The following DCDC2C variants were observed in gnomAD, a reference collection of about 807,000 sequenced individuals.
DCDC2C encodes the protein doublecortin domain-containing protein 2C.
A neutral mutation model predicts 45.0 loss-of-function variants in DCDC2C; 44 were observed. The observed-to-expected ratio is 0.98, with a 90% confidence interval of 0.77 to 1.26. The LOEUF is 1.26. Ranked by LOEUF, DCDC2C falls within the 50% of genes most tolerant of loss-of-function variation. DCDC2C has a pLI of 0.00. For missense variants in DCDC2C, 447 were observed against 468.9 expected, an observed-to-expected ratio of 0.95 and a Z score of 0.43; for synonymous variants, 187 against 178.8, an observed-to-expected ratio of 1.05 and a Z score of -0.37.
intron 2 of DCDC2C, among the ~76,000 whole-genome samples, chr2:3,724,020 T>A (rs191746410): frequency 5.9e-5 from 9 of 152,154 alleles, no homozygotes; most frequent in Admixed American, 3.9e-4. Context: ...ATTTATTGAA[T>A]TGAATATTTA....
At chr2:3,750,130 G>A (rs57244085) in intron 4 of DCDC2C, among the ~76,000 whole-genome samples, 7,349 of 151,786 alleles carry the variant, frequency 0.048, 276 homozygotes, top group African/African-American at 0.1. Context: ...TCCCTCATCT[G>A]CCAGTCAGCA....
At chr2:3,765,104 A>C (rs1669978208) in intron 6 of DCDC2C, among the ~76,000 whole-genome samples, 2 of 152,228 alleles carry the variant, frequency 1.3e-5, no homozygotes, top group African/African-American at 4.8e-5. Context: ...AGTTCAGATA[A>C]AATATGTACT....
Position 3,818,389 on chromosome 2 carries a change from A to G in DCDC2C, c.1066-28765A>G, listed in dbSNP as rs947236380. On this transcript the variant is annotated intron_variant, in intron 10 of 10. Coordinates refer to ENST00000399143, the MANE Select transcript of DCDC2C (RefSeq NM_001287444.2). The surrounding 1 kb of genome is among the most constrained non-coding windows in gnomAD (Gnocchi z 4.7). ...AGAAAGCATATTTGAGATCCTGAAC[A>G]GAATAATGGGTTATGGAGGGGTTGT... 6.6e-6 allele frequency among the ~76,000 whole-genome samples: 1 copy of G among 152,168 alleles called. No homozygotes were observed. The highest frequency in any genetic ancestry group is 2.4e-5 in the African/African-American group (1 of 41,438).
intron 10 of DCDC2C, among the ~76,000 whole-genome samples, chr2:3,827,124 C>T (rs1042446326): frequency 1.3e-4 from 20 of 152,204 alleles, no homozygotes; most frequent in Non-Finnish European, 2.9e-4. Flanking sequence ...AGCCCATCAC[C>T]CATCACAGTG....
chr2:3,838,245 A>C (rs1672128360), intron 10 of DCDC2C, among the ~76,000 whole-genome samples: 2 of 151,912 alleles, frequency 1.3e-5, no homozygotes, highest in South Asian at 4.2e-4. Flanking sequence ...CTGATGAGGT[A>C]GGAGAATTGG....
intron 10 of DCDC2C, among the ~76,000 whole-genome samples, chr2:3,839,628 G>T (rs1174469790): frequency 6.6e-6 from 1 of 152,114 alleles, no homozygotes; most frequent in Admixed American, 6.5e-5. Flanking sequence ...CTTCATTCTT[G>T]TTCGTTTTTC....
At chr2:3,755,498 C>G (rs1233637422) in intron 6 of DCDC2C, among the ~76,000 whole-genome samples, 1 of 146,970 alleles carries the variant, frequency 6.8e-6, no homozygotes, top group African/African-American at 2.4e-5. Context: ...CACAGGAGTA[C>G]ACGTGTGTAT....
At chr2:3,819,886 G>A (rs919195459) in intron 10 of DCDC2C, among the ~76,000 whole-genome samples, 1 of 152,184 alleles carries the variant, frequency 6.6e-6, no homozygotes, top group Non-Finnish European at 1.5e-5. Context: ...TGTGAGAAGG[G>A]GAGGTGATAG....
At chr2:3,817,530 A>G (rs1198424348) in intron 10 of DCDC2C, among the ~76,000 whole-genome samples, 1 of 152,168 alleles carries the variant, frequency 6.6e-6, no homozygotes, top group East Asian at 1.9e-4. Flanking sequence ...AGTTATGAGA[A>G]CTGTGGAGAG....
intron 2 of DCDC2C, among the ~76,000 whole-genome samples, chr2:3,718,485 A>G (rs563268476): frequency 3.9e-5 from 6 of 152,292 alleles, no homozygotes; most frequent in East Asian, 1.9e-4. Flanking sequence ...GGCTGTTTCT[A>G]TCAATGAGAT....
In DCDC2C at chr2:3,778,813, C is replaced by T; in HGVS notation, c.955-3C>T. ...GATAAAATGTGGTGTATTTTCTCCC[C>T]AGAGACAAGCTGAGATAGTTAAAGA... On this transcript the variant is annotated splice_polypyrimidine_tract_variant and splice_region_variant and intron_variant, in intron 8 of 10. Transcript: ENST00000399143. The T allele has an allele frequency of 6.4e-7, 1 of 1,550,852 alleles. No individual in the cohort carries two copies. The highest frequency in any genetic ancestry group is 8.7e-7 in the Non-Finnish European group (1 of 1,147,004).
intron 10 of DCDC2C, among the ~76,000 whole-genome samples, chr2:3,816,834 G>C (rs1671570350): frequency 6.6e-6 from 1 of 152,150 alleles, no homozygotes; most frequent in Non-Finnish European, 1.5e-5. Context: ...AAGGGGGCCT[G>C]AATAATCCCT....
chr2:3,716,407 A>G (rs1001228413), intron 2 of DCDC2C, among the ~76,000 whole-genome samples: 2 of 152,142 alleles, frequency 1.3e-5, no homozygotes, highest in African/African-American at 4.8e-5. Context: ...GACAAGGGAG[A>G]TGAAGACTGA....
intron 10 of DCDC2C, among the ~76,000 whole-genome samples, chr2:3,837,874 C>A (rs1452750649): frequency 1.3e-5 from 2 of 152,072 alleles, no homozygotes; most frequent in African/African-American, 4.8e-5. Flanking sequence ...CAGGAGAGGG[C>A]AGAGGATGCG....
chr2:3,843,638 A>T (rs9808163), intron 10 of DCDC2C, among the ~76,000 whole-genome samples: 25 of 151,994 alleles, frequency 1.6e-4, no homozygotes, highest in Non-Finnish European at 3.4e-4. Context: ...AGTTGGTTCT[A>T]ATGTGTTGGG....
chr2:3,783,517 G>A (rs1670569311), intron 9 of DCDC2C, among the ~76,000 whole-genome samples: 1 of 152,238 alleles, frequency 6.6e-6, no homozygotes, highest in Admixed American at 6.5e-5. Context: ...AATTAGAGCT[G>A]TTTGTGTACG....
At chr2:3,719,724 A>G (rs1668441054) in intron 2 of DCDC2C, among the ~76,000 whole-genome samples, 1 of 152,190 alleles carries the variant, frequency 6.6e-6, no homozygotes, top group Non-Finnish European at 1.5e-5. Context: ...TCAGGTACCA[A>G]ACCAGCCTCC....
chr2:3,793,216 C>T (rs754530783), intron 10 of DCDC2C, among the ~76,000 whole-genome samples: 27 of 152,194 alleles, frequency 1.8e-4, no homozygotes, highest in Non-Finnish European at 2.8e-4. Context: ...TATACCCAAA[C>T]GCAAATTTAC....
chr2:3,826,670 G>A (rs1671824757), intron 10 of DCDC2C, among the ~76,000 whole-genome samples: 1 of 152,038 alleles, frequency 6.6e-6, no homozygotes, highest in African/African-American at 2.4e-5. Context: ...CCTCTCTGTG[G>A]GTAGGAATGG....
Sources: allele counts gnomAD v4.1 joint callset (sites outside exome capture counted in the v4.1 genomes callset), GRCh38; gene constraint gnomAD v4.1.1; non-coding constraint Gnocchi (gnomAD v3.1); transcripts MANE v1.5; gene names NCBI Gene and HGNC (gene_info 2026-07-23, HGNC 2026-07-21).